The following EYA2 variants were observed in gnomAD, a reference collection of about 807,000 sequenced individuals.
EYA2 encodes the protein EYA transcriptional coactivator and phosphatase 2, also known as protein phosphatase EYA2.
A neutral mutation model predicts 69.2 loss-of-function variants in EYA2; 31 were observed. That is an observed-to-expected ratio of 0.45 (90% CI 0.34 to 0.60). The LOEUF (loss-of-function observed/expected upper bound fraction) is 0.60. Among genes scored for constraint, EYA2 ranks in the 20% least tolerant of loss-of-function variants. The pLI is 0.02. For synonymous variants in EYA2, 257 were observed against 279.4 expected (o/e 0.92, Z 0.80); for missense variants, 622 against 701.2 (o/e 0.89, Z 1.28).
chr20:47,117,395 T>C lies in EYA2; in HGVS notation c.888+20227T>C, dbSNP rs555964238. On this transcript the variant is annotated intron_variant, in intron 9 of 15. Coordinates refer to ENST00000327619, the MANE Select transcript of EYA2 (RefSeq NM_005244.5). ...GATGGAGCCCCGAATTCACCTGGTG[T>C]TGGCTTTTCTTGCAGATCCAGAGGC... The C allele has an allele frequency of 9.6e-5, 95 of 985,440 alleles. No homozygotes were observed. In the African/African-American group the frequency reaches 1.5e-3, roughly 15 times the overall value. 61.0% of individuals were successfully genotyped at this position (985,440 alleles called of 1,614,324 possible).
chr20:46,918,214 A>T (rs976868116), intron 1 of EYA2, among the ~76,000 whole-genome samples: 1 of 151,924 alleles, frequency 6.6e-6, no homozygotes, highest in African/African-American at 2.4e-5. Flanking sequence ...CCAGCTACTC[A>T]GGAGGCTGAG....
chr20:47,114,453 A>G (rs2032837806), intron 9 of EYA2, among the ~76,000 whole-genome samples: 1 of 152,164 alleles, frequency 6.6e-6, no homozygotes. Flanking sequence ...CGTCTCTACT[A>G]AAAATACAAA....
At chr20:47,032,183 T>C (rs1984453395) in intron 5 of EYA2, among the ~76,000 whole-genome samples, 1 of 152,224 alleles carries the variant, frequency 6.6e-6, no homozygotes, top group African/African-American at 2.4e-5. Flanking sequence ...ACCAGATTTT[T>C]GCTGCTCCTA....
chr20:47,129,563 T>G (rs369253340), intron 9 of EYA2, among the ~76,000 whole-genome samples: 12 of 152,242 alleles, frequency 7.9e-5, no homozygotes, highest in African/African-American at 2.6e-4. Flanking sequence ...GACGGTGGCT[T>G]TACTCAGAGG....
chr20:47,013,817 G>T (rs1405739609), intron 4 of EYA2, among the ~76,000 whole-genome samples: 1 of 152,138 alleles, frequency 6.6e-6, no homozygotes, highest in Non-Finnish European at 1.5e-5. Context: ...ACTCCTAGTG[G>T]ACTGAGCAAA....
rs115647501 is a variant in EYA2, at chr20:47,185,183, C to T, written c.1536+1792C>T. Among the ~76,000 whole-genome samples, 1,362 of 151,592 alleles carry T rather than the reference C, an allele frequency of 9.0e-3. 25 individuals carry two copies. Among genetic ancestry groups the T allele is most frequent in the African/African-American group, 0.031 (1,292 of 41,398 alleles). On this transcript the variant is annotated intron_variant, in intron 15 of 15. Transcript: ENST00000327619. ...TCTTCACGAGTGATGAATCCACTGG[C>T]ACTCTGGAACCTTTAAGCCTGGGGT...
At chr20:47,145,209 G>A (rs1351452940) in intron 10 of EYA2, among the ~76,000 whole-genome samples, 2 of 152,102 alleles carry the variant, frequency 1.3e-5, no homozygotes, top group Admixed American at 1.3e-4. Context: ...CAAGTGATGG[G>A]GATGGAGGAG....
At chr20:46,963,009 C>G (rs1979563259) in intron 1 of EYA2, among the ~76,000 whole-genome samples, 1 of 152,212 alleles carries the variant, frequency 6.6e-6, no homozygotes, top group African/African-American at 2.4e-5. Flanking sequence ...CCACTGCTCC[C>G]TCGCTCTACC....
intron 12 of EYA2, among the ~76,000 whole-genome samples, chr20:47,176,403 C>T (rs1370491648): frequency 6.6e-6 from 1 of 151,792 alleles, no homozygotes; most frequent in Non-Finnish European, 1.5e-5. Flanking sequence ...TCAGTCATTT[C>T]GAGGATGATC....
chr20:46,986,081 A>G (rs1455972961), intron 1 of EYA2, among the ~76,000 whole-genome samples: 1 of 152,168 alleles, frequency 6.6e-6, no homozygotes, highest in East Asian at 1.9e-4. Flanking sequence ...CTGTAGCCAG[A>G]TAAAAGATAC....
intron 9 of EYA2, among the ~76,000 whole-genome samples, chr20:47,126,253 C>T (rs1225207425): frequency 6.6e-6 from 1 of 152,180 alleles, no homozygotes; most frequent in East Asian, 1.9e-4. Context: ...AGTGCAAATG[C>T]TAGGTGTGAC....
At chr20:47,093,987 C>A (rs1260995515) in intron 8 of EYA2, among the ~76,000 whole-genome samples, 1 of 152,200 alleles carries the variant, frequency 6.6e-6, no homozygotes, top group Non-Finnish European at 1.5e-5. Flanking sequence ...TTACTTTCTT[C>A]CTAGCCCCAA....
At chr20:46,900,804 T>C (rs1984063455) in intron 1 of EYA2, among the ~76,000 whole-genome samples, 1 of 152,248 alleles carries the variant, frequency 6.6e-6, no homozygotes, top group Non-Finnish European at 1.5e-5. Flanking sequence ...AGGCCATTTT[T>C]TTAAGGTTAC....
At chr20:47,046,840 G>C (rs1311606801) in intron 5 of EYA2, among the ~76,000 whole-genome samples, 3 of 152,302 alleles carry the variant, frequency 2.0e-5, no homozygotes, top group African/African-American at 7.2e-5. Flanking sequence ...GGTTCTGACA[G>C]ATCTCAGCTG....
intron 15 of EYA2, 68 bp from the exon 16 acceptor site, chr20:47,187,985 A>G: frequency 6.6e-7 from 1 of 1,505,208 alleles, no homozygotes; most frequent in Non-Finnish European, 9.0e-7. Context: ...CATGCCCTCT[A>G]ACCACAGGCG....
At chr20:46,972,508 T>G (rs554488875) in intron 1 of EYA2, among the ~76,000 whole-genome samples, 11 of 152,154 alleles carry the variant, frequency 7.2e-5, no homozygotes, top group African/African-American at 2.4e-4. Context: ...CTGAGGAAAC[T>G]TACTTGATTT....
intron 1 of EYA2, among the ~76,000 whole-genome samples, chr20:46,921,987 G>A (rs1040716065): frequency 6.6e-6 from 1 of 152,188 alleles, no homozygotes; most frequent in African/African-American, 2.4e-5. Context: ...TCTTGTAAGT[G>A]TTTTCATAGC....
At chr20:46,998,047 CCT>C (rs1982138287) in intron 2 of EYA2, 1 of 152,810 alleles carries the variant, frequency 6.5e-6, no homozygotes, top group East Asian at 1.9e-4. Context: ...CTGCCTGTGC[CCT>C]CTCTGCCCAT....
At chr20:47,093,224 T>A (rs1274724587) in intron 8 of EYA2, among the ~76,000 whole-genome samples, 1 of 152,186 alleles carries the variant, frequency 6.6e-6, no homozygotes, top group Non-Finnish European at 1.5e-5. Flanking sequence ...CTACTCCCAA[T>A]GAAACCAGGT....
Sources: allele counts gnomAD v4.1 joint callset (sites outside exome capture counted in the v4.1 genomes callset), GRCh38; gene constraint gnomAD v4.1.1; transcripts MANE v1.5; gene names NCBI Gene and HGNC (gene_info 2026-07-23, HGNC 2026-07-21).